Variants in CNTN5 observed in about 807,000 individuals in gnomAD.
The protein encoded by CNTN5 is contactin-5.
A neutral mutation model predicts 129.1 loss-of-function variants in CNTN5; 77 were observed. That is an observed-to-expected ratio of 0.60 (90% CI 0.50 to 0.72). The LOEUF (loss-of-function observed/expected upper bound fraction) is 0.72, where lower values mean the gene tolerates loss of function less well. CNTN5 is among the 30% of genes least tolerant of loss of function. The probability of loss-of-function intolerance (pLI) is 0.00; values close to 1 mark genes in which losing one functional copy is unlikely to be tolerated. For missense variants in CNTN5, 1,478 were observed against 1,328.8 expected (o/e 1.11, Z -1.75); for synonymous variants, 509 against 465.6 (o/e 1.09, Z -1.20).
chr11:99,979,797 G>A (rs997851602), intron 8 of CNTN5, among the ~76,000 whole-genome samples: 6 of 152,124 alleles, frequency 3.9e-5, no homozygotes, highest in African/African-American at 1.4e-4. Context: ...CTGATATACT[G>A]CAGAATACAT....
chr11:100,123,141 G>A (rs1367850464), intron 13 of CNTN5, among the ~76,000 whole-genome samples: 1 of 151,590 alleles, frequency 6.6e-6, no homozygotes, highest in South Asian at 2.1e-4. Context: ...TTTTTTTCAG[G>A]AGAATGTACT....
chr11:99,912,768 C>T (rs1437076792), intron 6 of CNTN5, among the ~76,000 whole-genome samples: 1 of 151,268 alleles, frequency 6.6e-6, no homozygotes, highest in African/African-American at 2.4e-5. Context: ...AAAGAAAGGT[C>T]AGAGCAAAGA....
In CNTN5 at chr11:100,193,662, C is replaced by T. The variant is rs1344063270; in HGVS notation, c.1883C>T (p.Ala628Val). The T allele has an allele frequency of 3.1e-6, 5 of 1,608,436 alleles. No individual in the cohort carries two copies. Among genetic ancestry groups the T allele is most frequent in the East Asian group, 2.2e-5 (1 of 44,636 alleles). Reference sequence around the variant, plus strand: ...GGTGGACATTTTGAAAGCATCAGGGCCGTAAGTGAATACACTTTTATTCTT... The same window carrying T: ...GGTGGACATTTTGAAAGCATCAGGGTCGTAAGTGAATACACTTTTATTCTT... ...EEGGHFESIR[A>V]QASSADLMIR... The change falls in exon 15 of 25, where the codon GCC becomes GTC. Residue 628 changes from alanine (A) to valine (V), a missense_variant and splice_region_variant. Physicochemically the swap from Ala to Val is moderately conservative, Grantham distance 64. Coordinates refer to ENST00000524871, the MANE Select transcript of CNTN5 (RefSeq NM_014361.4).
chr11:100,159,461 C>CTGTT (rs1191998676), intron 13 of CNTN5, among the ~76,000 whole-genome samples: 1 of 151,774 alleles, frequency 6.6e-6, no homozygotes, highest in East Asian at 1.9e-4. Context: ...ATATGGATGG[C>CTGTT]TGTTTATACT....
chr11:99,374,135 T>C (rs1422245258), intron 2 of CNTN5, among the ~76,000 whole-genome samples: 3 of 152,230 alleles, frequency 2.0e-5, no homozygotes, highest in Non-Finnish European at 4.4e-5. Flanking sequence ...AATGACACAA[T>C]TGAATTTAAT....
intron 2 of CNTN5, among the ~76,000 whole-genome samples, chr11:99,466,129 G>C (rs915586482): frequency 6.6e-6 from 1 of 152,030 alleles, no homozygotes; most frequent in Non-Finnish European, 1.5e-5. Context: ...TGATCCACCC[G>C]CCTTGGCCTC....
intron 2 of CNTN5, among the ~76,000 whole-genome samples, chr11:99,385,368 G>A (rs1940863515): frequency 6.6e-6 from 1 of 152,078 alleles, no homozygotes; most frequent in Non-Finnish European, 1.5e-5. Context: ...CTTGGATTTG[G>A]TGATTTGGAC....
intron 13 of CNTN5, among the ~76,000 whole-genome samples, chr11:100,126,942 T>C (rs1946201172): frequency 6.6e-6 from 1 of 151,834 alleles, no homozygotes; most frequent in Non-Finnish European, 1.5e-5. Context: ...TCTTTTGAGA[T>C]AGGGTCCCGT....
chr11:99,088,360 C>T (rs774075848), intron 1 of CNTN5, among the ~76,000 whole-genome samples: 28 of 152,078 alleles, frequency 1.8e-4, no homozygotes, highest in Non-Finnish European at 2.6e-4. Context: ...CTGGTAAGGT[C>T]GAAGTATATG....
chr11:99,880,799 T>C (rs1948752513), intron 6 of CNTN5, among the ~76,000 whole-genome samples: 1 of 152,176 alleles, frequency 6.6e-6, no homozygotes, highest in African/African-American at 2.4e-5. Flanking sequence ...GTCATCTCTA[T>C]TTAGGTGTAG....
intron 1 of CNTN5, among the ~76,000 whole-genome samples, chr11:99,138,903 T>C (rs1416225728): frequency 6.6e-6 from 1 of 152,192 alleles, no homozygotes; most frequent in Non-Finnish European, 1.5e-5. Context: ...TTTCTTTCTC[T>C]GTTCTCAGCA....
chr11:99,690,964 G>A (rs1954017431), intron 3 of CNTN5, among the ~76,000 whole-genome samples: 3 of 151,770 alleles, frequency 2.0e-5, no homozygotes, highest in Admixed American at 1.3e-4. Context: ...CAGGGATTTA[G>A]TTTCTTTCTT....
Position 99,958,223 on chromosome 11 carries a change from A to C in CNTN5, c.877+1214A>C, listed in dbSNP as rs544801691. On this transcript the variant is annotated intron_variant, in intron 8 of 24. Coordinates refer to ENST00000524871, the MANE Select transcript of CNTN5 (RefSeq NM_014361.4). ...CCGCCAAGAGGCGATAAATGACTGA[A>C]CAAAAGCAGTGATGGTAGCACTGGA... Among the ~76,000 whole-genome samples the C allele has an allele frequency of 1.1e-3, 161 of 152,332 alleles. 1 individual carries two copies. Among genetic ancestry groups the C allele is most frequent in the Middle Eastern group, 3.4e-3 (1 of 294 alleles).
chr11:99,035,540 C>G (rs1355001536), intron 1 of CNTN5, among the ~76,000 whole-genome samples: 1 of 148,374 alleles, frequency 6.7e-6, no homozygotes, highest in African/African-American at 2.5e-5. Context: ...TTCTTTGTCT[C>G]TTTTGATCTT....
chr11:100,049,344 T>A (rs1282322873), intron 9 of CNTN5, among the ~76,000 whole-genome samples: 1 of 151,930 alleles, frequency 6.6e-6, no homozygotes, highest in Non-Finnish European at 1.5e-5. Flanking sequence ...TCGCAAACTT[T>A]AAAATAATCA....
chr11:100,109,481 A>G (rs78992979), intron 13 of CNTN5, among the ~76,000 whole-genome samples: 1 of 152,318 alleles, frequency 6.6e-6, no homozygotes, highest in African/African-American at 2.4e-5. Context: ...ACTGGATGAT[A>G]GTATTTCAGG....
At chr11:99,600,723 T>G (rs1307617167) in intron 3 of CNTN5, among the ~76,000 whole-genome samples, 2 of 150,844 alleles carry the variant, frequency 1.3e-5, no homozygotes, top group African/African-American at 2.4e-5. Context: ...TATCCACCAG[T>G]GTTGGAGCAC....
At chr11:99,692,231 C>T (rs1954070622) in intron 3 of CNTN5, among the ~76,000 whole-genome samples, 1 of 152,042 alleles carries the variant, frequency 6.6e-6, no homozygotes, top group Non-Finnish European at 1.5e-5. Flanking sequence ...GGGCATTTAG[C>T]CCATTTACAT....
intron 4 of CNTN5, among the ~76,000 whole-genome samples, chr11:99,824,137 G>A (rs118100673): frequency 1.0e-3 from 155 of 151,908 alleles, no homozygotes; most frequent in Non-Finnish European, 1.7e-3. Flanking sequence ...TGCCTCATTG[G>A]TAATTGTATT....
Sources: allele counts gnomAD v4.1 joint callset (sites outside exome capture counted in the v4.1 genomes callset), GRCh38; gene constraint gnomAD v4.1.1; transcripts MANE v1.5; gene names NCBI Gene and HGNC (gene_info 2026-07-23, HGNC 2026-07-21).